The following PDE3A variants were observed in gnomAD, a reference collection of about 807,000 sequenced individuals.
PDE3A encodes cGMP-inhibited 3',5'-cyclic phosphodiesterase 3A.
PDE3A carries 43 observed loss-of-function variants against 98.3 expected under a neutral mutation model. The observed-to-expected ratio is 0.44, with a 90% CI of 0.34 to 0.56. The LOEUF (loss-of-function observed/expected upper bound fraction) is 0.56, where lower values mean the gene tolerates loss of function less well. PDE3A is among the 20% of genes least tolerant of loss of function. PDE3A has a pLI of 0.01. For synonymous variants in PDE3A, 663 were observed against 567.9 expected, an observed-to-expected ratio of 1.17 and a Z score of -2.38; for missense variants, 1,427 against 1,440.7, an observed-to-expected ratio of 0.99 and a Z score of 0.15.
chr12:20,530,211 C>A (rs1326594957), intron 1 of PDE3A, among the ~76,000 whole-genome samples: 2 of 152,074 alleles, frequency 1.3e-5, no homozygotes, highest in African/African-American at 4.8e-5. Context: ...ATATCTTTTT[C>A]TTTGCTTAGC....
At chr12:20,535,811 T>C (rs1941734994) in intron 1 of PDE3A, among the ~76,000 whole-genome samples, 2 of 152,272 alleles carry the variant, frequency 1.3e-5, no homozygotes, top group South Asian at 4.1e-4. Context: ...AAACATTAAT[T>C]ATTTGGAGAA....
At chr12:20,576,264 CT>C (rs551475435) in intron 2 of PDE3A, among the ~76,000 whole-genome samples, 234 of 152,040 alleles carry the variant, frequency 1.5e-3, no homozygotes, top group African/African-American at 5.5e-3. Context: ...CATTACCAGT[CT>C]TTAAGTTTTC....
chr12:20,680,006 T>C, intron 15 of PDE3A, 24 bp from the exon 16 acceptor site: 1 of 1,550,904 alleles, frequency 6.4e-7, no homozygotes, highest in Non-Finnish European at 8.8e-7. Flanking sequence ...TCTGATTTGG[T>C]GTTTTTTATT....
chr12:20,517,276 A>C (rs766138640), intron 1 of PDE3A, among the ~76,000 whole-genome samples: 5 of 152,242 alleles, frequency 3.3e-5, no homozygotes, highest in Non-Finnish European at 7.3e-5. Flanking sequence ...AGGTACCAGG[A>C]ATAAAACATG....
chr12:20,540,878 TA>T (rs1459723619), intron 1 of PDE3A, among the ~76,000 whole-genome samples: 1 of 151,962 alleles, frequency 6.6e-6, no homozygotes, highest in Non-Finnish European at 1.5e-5. Context: ...TGTTTTACGG[TA>T]AAACATTTAA....
At chr12:20,541,849 C>T (rs1482978837) in intron 1 of PDE3A, among the ~76,000 whole-genome samples, 1 of 152,068 alleles carries the variant, frequency 6.6e-6, no homozygotes, top group African/African-American at 2.4e-5. Context: ...CAGAGATGTA[C>T]TGTAAACTTA....
intron 2 of PDE3A, among the ~76,000 whole-genome samples, chr12:20,606,459 C>T (rs1448518765): frequency 6.6e-6 from 1 of 152,110 alleles, no homozygotes; most frequent in Non-Finnish European, 1.5e-5. Flanking sequence ...ACTTAGATGC[C>T]TTTTATAGCA....
intron 1 of PDE3A, among the ~76,000 whole-genome samples, chr12:20,456,510 A>G (rs899050421): frequency 2.0e-5 from 3 of 152,142 alleles, no homozygotes; most frequent in African/African-American, 7.2e-5. Flanking sequence ...AACCCTATGT[A>G]AACTAAATCG....
chr12:20,459,210 T>C (rs2120918995), intron 1 of PDE3A, among the ~76,000 whole-genome samples: 1 of 152,290 alleles, frequency 6.6e-6, no homozygotes, highest in East Asian at 1.9e-4. Context: ...GTAGAAAATA[T>C]AAGACATCTA....
At chr12:20,547,109 C>A (rs988838699) in intron 1 of PDE3A, among the ~76,000 whole-genome samples, 10 of 151,988 alleles carry the variant, frequency 6.6e-5, no homozygotes, top group Non-Finnish European at 1.0e-4. Flanking sequence ...CATGCATTTC[C>A]CCCAGGTTTG....
At chr12:20,429,768 A>T (rs552520549) in intron 1 of PDE3A, among the ~76,000 whole-genome samples, 1 of 152,184 alleles carries the variant, frequency 6.6e-6, no homozygotes, top group African/African-American at 2.4e-5. Flanking sequence ...GTTATTGTTG[A>T]TGTTTTATTT....
At chr12:20,573,140 A>T (rs1048912747) in intron 2 of PDE3A, among the ~76,000 whole-genome samples, 11 of 152,138 alleles carry the variant, frequency 7.2e-5, no homozygotes, top group South Asian at 2.1e-4. Flanking sequence ...AACATAAAAG[A>T]TTTAAAATAA....
At chr12:20,540,692 G>C (rs773982582) in intron 1 of PDE3A, among the ~76,000 whole-genome samples, 38 of 151,936 alleles carry the variant, frequency 2.5e-4, no homozygotes, top group Non-Finnish European at 3.8e-4. Flanking sequence ...AATTAGAATT[G>C]TGATTCTTAA....
intron 2 of PDE3A, among the ~76,000 whole-genome samples, chr12:20,591,246 T>C (rs1380257645): frequency 6.6e-6 from 1 of 152,216 alleles, no homozygotes; most frequent in African/African-American, 2.4e-5. Flanking sequence ...TACAGTAATA[T>C]ACTATATTTC....
At chr12:20,423,189 A>G (rs990504627) in intron 1 of PDE3A, among the ~76,000 whole-genome samples, 3 of 152,230 alleles carry the variant, frequency 2.0e-5, no homozygotes, top group African/African-American at 7.2e-5. Flanking sequence ...CAGAGGAAAT[A>G]TATGCAGATG....
chr12:20,616,100 A>C lies in PDE3A; in HGVS notation c.1270-130A>C. 3.7e-6 allele frequency: 2 copies of C among 541,906 alleles called. 1 individual carries two copies. Among genetic ancestry groups the C allele is most frequent in the Non-Finnish European group, 5.9e-6 (2 of 339,150 alleles). 33.6% of individuals were successfully genotyped at this position (541,906 alleles called of 1,614,324 possible). On this transcript the variant is annotated intron_variant, in intron 3 of 15. Coordinates refer to ENST00000359062, the MANE Select transcript of PDE3A (RefSeq NM_000921.5). ...TTCTGAGCACTCAAATTTTAGATAG[A>C]TAGGTGATATTAAACCAATGTAATT... is the stretch of plus-strand genomic sequence containing the variant.
rs551851081 is a variant in PDE3A at position 20,462,953 on chromosome 12, G to A, written c.960+92709G>A. Among the ~76,000 whole-genome samples, 6 of 151,918 alleles carry A rather than the reference G, an allele frequency of 3.9e-5. No individual in the cohort carries two copies. The South Asian group carries it at 6.2e-4, about 16-fold the overall frequency. ...TGCCAGGCTAATTTTTAATTTTTTTGTAGAGATAGGGTCTCCCTGTGTTGC... is the reference window on the plus strand; with the variant it reads ...TGCCAGGCTAATTTTTAATTTTTTTATAGAGATAGGGTCTCCCTGTGTTGC... On this transcript the variant is annotated intron_variant, in intron 1 of 15. Transcript: ENST00000359062.
At chr12:20,600,626 C>CATGT (rs1943571972) in intron 2 of PDE3A, among the ~76,000 whole-genome samples, 1 of 152,136 alleles carries the variant, frequency 6.6e-6, no homozygotes, top group Non-Finnish European at 1.5e-5. Context: ...TTACTCTTTT[C>CATGT]ATGTATGTAC....
chr12:20,465,468 T>A (rs953416531), intron 1 of PDE3A, among the ~76,000 whole-genome samples: 1 of 152,230 alleles, frequency 6.6e-6, no homozygotes, highest in Non-Finnish European at 1.5e-5. Flanking sequence ...TGGAGTGCTG[T>A]GGCACGATCT....
Sources: allele counts gnomAD v4.1 joint callset (sites outside exome capture counted in the v4.1 genomes callset), GRCh38; gene constraint gnomAD v4.1.1; transcripts MANE v1.5; gene names NCBI Gene and HGNC (gene_info 2026-07-23, HGNC 2026-07-21).